SLC20A2: variants seen among roughly 807,000 people sequenced by gnomAD.
SLC20A2 encodes the protein solute carrier family 20 member 2.
A neutral mutation model predicts 61.0 loss-of-function variants in SLC20A2; 30 were observed. That is an observed-to-expected ratio of 0.49 (90% CI 0.37 to 0.67). The LOEUF is 0.67. Ranked by LOEUF, SLC20A2 falls within the 30% of genes least tolerant of loss-of-function variation. The pLI, the probability that SLC20A2 is intolerant of heterozygous loss-of-function variation, is 0.00. For missense variants in SLC20A2, 626 were observed against 866.4 expected (o/e 0.72, Z 3.48); for synonymous variants, 351 against 353.3 (o/e 0.99, Z 0.07).
upstream of SLC20A2, among the ~76,000 whole-genome samples, chr8:42,504,861 A>AAAAAAAAAAAAAAAAAAAAAAAAAAC (rs1810555751): frequency 8.2e-6 from 1 of 122,612 alleles, no homozygotes; most frequent in African/African-American, 3.3e-5. Context: ...TCAAAAAAAA[A>AAAAAAAAAAAAAAAAAAAAAAAAAAC]AAAAAAAAAA....
At chr8:42,493,481 G>C (rs910913773) in intron 1 of SLC20A2, among the ~76,000 whole-genome samples, 7 of 152,166 alleles carry the variant, frequency 4.6e-5, no homozygotes, top group African/African-American at 1.4e-4. Context: ...TACTGCACAT[G>C]GTTCCACTGT....
intron 1 of SLC20A2, among the ~76,000 whole-genome samples, chr8:42,517,517 CAA>C (rs1481726588): frequency 1.3e-5 from 2 of 152,056 alleles, no homozygotes; most frequent in Non-Finnish European, 2.9e-5. Flanking sequence ...ATATCTGCAG[CAA>C]GAGCCCCTTT....
chr8:42,472,490 A>G lies in SLC20A2; in HGVS notation c.-100T>C. 1 of 1,113,130 alleles carries G rather than the reference A, an allele frequency of 9.0e-7. No homozygotes were observed. The highest frequency in any genetic ancestry group is 1.3e-6 in the Non-Finnish European group (1 of 783,990). The allele number at this position is 1,113,130 out of a possible 1,614,324, so 69.0% of individuals were successfully genotyped here. A position where few individuals can be genotyped will look rare whatever the true frequency, so the allele number is the denominator to read the frequency against. On this transcript the variant is annotated 5_prime_UTR_variant, in exon 2 of 11. Coordinates refer to ENST00000520262, the MANE Select transcript of SLC20A2 (RefSeq NM_001257180.2). The surrounding 1 kb of genome is among the most constrained non-coding windows in gnomAD (Gnocchi z 4.1). The stretch of plus-strand genomic sequence containing the variant: ...CGTAAGGCCAAGAGTTCTTGTAAAC[A>G]GTGAGTTTGCTCTGGAAAGTGCTGG...
intron 2 of SLC20A2, among the ~76,000 whole-genome samples, chr8:42,469,529 C>G (rs551845761): frequency 6.6e-6 from 1 of 152,234 alleles, no homozygotes. Flanking sequence ...GTTCATGAAC[C>G]CTTCTGTCAC....
upstream of SLC20A2, among the ~76,000 whole-genome samples, chr8:42,505,788 G>C (rs902534865): frequency 1.1e-4 from 16 of 151,930 alleles, no homozygotes; most frequent in African/African-American, 3.9e-4. Flanking sequence ...CTACTTGGGA[G>C]GCTGAGGCAT....
chr8:42,469,257 C>CA (rs1162170557), intron 2 of SLC20A2, among the ~76,000 whole-genome samples: 2 of 151,832 alleles, frequency 1.3e-5, no homozygotes, highest in Non-Finnish European at 2.9e-5. Flanking sequence ...GCAAAGAACC[C>CA]GATTTTATGA....
intron 1 of SLC20A2, among the ~76,000 whole-genome samples, chr8:42,536,148 A>G (rs1251613353): frequency 6.6e-6 from 1 of 152,248 alleles, no homozygotes. Flanking sequence ...TCAGATACTT[A>G]AACAGAACAC....
At chr8:42,496,525 ACT>A (rs1352708372) in intron 1 of SLC20A2, among the ~76,000 whole-genome samples, 1 of 152,130 alleles carries the variant, frequency 6.6e-6, no homozygotes, top group Non-Finnish European at 1.5e-5. Context: ...CACCTTCCTG[ACT>A]CTAGAGAACT....
In SLC20A2 at chr8:42,522,121, G is replaced by A. The variant is rs1184667076; in HGVS notation, c.-265+19700C>T. Reference sequence around the variant, plus strand: ...CTAAGTGAAGGTACAAGCACGTAAAGGGGAAAGATGCAAATGGATGGCTAG... The same window carrying A: ...CTAAGTGAAGGTACAAGCACGTAAAAGGGAAAGATGCAAATGGATGGCTAG... On this transcript the variant is annotated intron_variant, in intron 1 of 10. Coordinates refer to the SLC20A2 transcript ENST00000342228. Among the ~76,000 whole-genome samples, 5 of 121,248 alleles carry A rather than the reference G, an allele frequency of 4.1e-5. 2 individuals are homozygous for A. The East Asian group carries it at 1.3e-3, about 32-fold the overall frequency. The allele number at this position is 121,248 out of a possible 152,430, so 79.5% of individuals were successfully genotyped here.
chr8:42,442,477 T>C (rs889095966), intron 6 of SLC20A2, among the ~76,000 whole-genome samples: 1 of 152,246 alleles, frequency 6.6e-6, no homozygotes, highest in Non-Finnish European at 1.5e-5. Flanking sequence ...CCTTTCTCCA[T>C]TGAACTGTTT....
chr8:42,537,880 G>C (rs1812809338), intron 1 of SLC20A2: 1 of 152,096 alleles, frequency 6.6e-6, no homozygotes, highest in African/African-American at 2.4e-5. Context: ...ATAAAGTAAA[G>C]CTCCCCAGAG....
chr8:42,494,978 C>G (rs1418818503), intron 1 of SLC20A2, among the ~76,000 whole-genome samples: 2 of 151,926 alleles, frequency 1.3e-5, no homozygotes, highest in East Asian at 3.9e-4. Context: ...TCCCGAGTAG[C>G]TGGGAATACA....
rs541259513 is a variant in SLC20A2, at chr8:42,418,000, G to T, written c.1795-33C>A. On this transcript the variant is annotated intron_variant, in intron 10 of 10. Transcript: ENST00000520262. The stretch of plus-strand genomic sequence containing the variant: ...AGCAGACATTGCAAAGTAAAAACAG[G>T]TGAGCCACAAAGGCTACACTCTACC... 6 of 1,602,390 alleles carry T rather than the reference G, an allele frequency of 3.7e-6. No homozygotes were observed. The South Asian group carries it at 4.4e-5, about 12-fold the overall frequency.
chr8:42,434,186 A>G (rs1004455996), intron 8 of SLC20A2, among the ~76,000 whole-genome samples: 12 of 151,758 alleles, frequency 7.9e-5, no homozygotes, highest in African/African-American at 2.4e-4. Flanking sequence ...TTCTGGGTTC[A>G]AGTGATTCTT....
At chr8:42,470,973 C>CAA (rs200440771) in intron 2 of SLC20A2, 1,357 of 238,396 alleles carry the variant, frequency 5.7e-3, no homozygotes, top group South Asian at 6.9e-3. Context: ...GACTCTGTCT[C>CAA]AAAAAAAAAA....
rs374247671 is a variant in SLC20A2 at position 42,490,574 on chromosome 8, G to C, written c.-265+10457C>G. Among the ~76,000 whole-genome samples the C allele has an allele frequency of 6.9e-4, 105 of 152,332 alleles. 1 individual carries two copies. The highest frequency in any genetic ancestry group is 2.4e-3 in the African/African-American group (99 of 41,586). On this transcript the variant is annotated intron_variant, in intron 1 of 10. Transcript: ENST00000520262. ...ATCCTGCCACTGCACTCCACCCTGA[G>C]AGACAGAGTAAGACTCCGTTTCAAA...
intron 10 of SLC20A2, among the ~76,000 whole-genome samples, chr8:42,421,489 G>C (rs534462175): frequency 6.6e-6 from 1 of 152,102 alleles, no homozygotes; most frequent in African/African-American, 2.4e-5. Context: ...TCACTCTTAC[G>C]AACTCTAGTA....
At chr8:42,537,503 A>G (rs1319753591) in intron 1 of SLC20A2, 3 of 152,228 alleles carry the variant, frequency 2.0e-5, no homozygotes, top group Non-Finnish European at 4.4e-5. Context: ...AAGTGTTTAA[A>G]AAAAGAAATG....
rs1802743739 is a variant in SLC20A2 at position 42,417,554 on chromosome 8, C to T, written c.*249G>A. On this transcript the variant is annotated 3_prime_UTR_variant, in exon 11 of 11. Transcript: ENST00000520262. The stretch of plus-strand genomic sequence containing the variant: ...GATATTTAATATATAAGTAACTGCA[C>T]CACATTATATCACCACGATACCAGT... The T allele has an allele frequency of 6.3e-6, 2 of 315,184 alleles. No individual in the cohort carries two copies. Among genetic ancestry groups the T allele is most frequent in the Admixed American group, 8.2e-5 (2 of 24,422 alleles). The allele number at this position is 315,184 out of a possible 1,614,324, so 19.5% of individuals were successfully genotyped here.
Sources: gnomAD v4.1 joint callset for allele counts (sites outside exome capture counted in the v4.1 genomes callset) on GRCh38, gnomAD v4.1.1 for gene constraint, Gnocchi (gnomAD v3.1) non-coding constraint, MANE v1.5 for transcripts, NCBI Gene and HGNC (gene_info 2026-07-23, HGNC 2026-07-21) for gene names.